Variants in PDE1A observed in about 807,000 individuals in gnomAD.
PDE1A encodes phosphodiesterase 1A, also known as dual specificity calcium/calmodulin-dependent 3',5'-cyclic nucleotide phosphodiesterase 1A.
Under a neutral mutation model 61.7 loss-of-function variants are expected in PDE1A, and 35 were observed. The ratio of observed to expected loss-of-function variants is 0.57; its 90% CI spans 0.43 to 0.75. The LOEUF (loss-of-function observed/expected upper bound fraction) is 0.75, where lower values mean the gene tolerates loss of function less well. Ranked by LOEUF, PDE1A falls within the 30% of genes least tolerant of loss-of-function variation. The pLI, the probability that PDE1A is intolerant of heterozygous loss-of-function variation, is 0.00. For synonymous variants in PDE1A, 232 were observed against 213.2 expected, an observed-to-expected ratio of 1.09 and a Z score of -0.77; for missense variants, 597 against 630.6, an observed-to-expected ratio of 0.95 and a Z score of 0.57.
At chr2:182,197,322 T>G (rs1227397946) in intron 10 of PDE1A, among the ~76,000 whole-genome samples, 2 of 151,828 alleles carry the variant, frequency 1.3e-5, no homozygotes, top group African/African-American at 4.8e-5. Context: ...GACAGATATT[T>G]GTAGTACAAA....
intron 2 of PDE1A, among the ~76,000 whole-genome samples, chr2:182,490,448 T>C (rs1158862157): frequency 6.6e-6 from 1 of 152,222 alleles, no homozygotes; most frequent in Non-Finnish European, 1.5e-5. Flanking sequence ...CTCGGCTCAC[T>C]GCAAACTGCC....
the PDE1A span, among the ~76,000 whole-genome samples, chr2:182,700,873 C>T: frequency 6.6e-6 from 1 of 151,656 alleles, no homozygotes; most frequent in Admixed American, 6.6e-5. Flanking sequence ...GCTGAGACCA[C>T]ACCACTGCAC....
At chr2:182,422,995 T>C (rs1178285231) in intron 1 of PDE1A, among the ~76,000 whole-genome samples, 2 of 152,200 alleles carry the variant, frequency 1.3e-5, no homozygotes, top group Non-Finnish European at 2.9e-5. Context: ...TCGTGTTTTC[T>C]CAACACCAGT....
intron 2 of PDE1A, among the ~76,000 whole-genome samples, chr2:182,262,298 C>T (rs1692283626): frequency 6.6e-6 from 1 of 151,068 alleles, no homozygotes; most frequent in Admixed American, 6.6e-5. Context: ...CATGATCTCA[C>T]TCTGTCACCC....
Position 182,457,066 on chromosome 2 carries a change from G to T in PDE1A, c.101+65210C>A, listed in dbSNP as rs192955026. ...GAGAACACTGAAAACCAGACAGTCT[G>T]GACTGATTAAGTTGGTACACGTTCC... On this transcript the variant is annotated intron_variant, in intron 2 of 14. Coordinates refer to the PDE1A transcript ENST00000410103. Among the ~76,000 whole-genome samples, 6 of 152,122 alleles carry T rather than the reference G, an allele frequency of 3.9e-5. No homozygotes were observed. In the South Asian group the frequency reaches 1.2e-3, roughly 32 times the overall value.
intron 1 of PDE1A, among the ~76,000 whole-genome samples, chr2:182,419,331 C>CTTTTTTTT (rs1172193658): frequency 7.0e-6 from 1 of 143,562 alleles, no homozygotes; most frequent in Admixed American, 7.0e-5. Context: ...TTCTTTTTTT[C>CTTTTTTTT]TTTTCTTTTT....
rs1691082389 is a variant in PDE1A at position 182,156,384 on chromosome 2, C to T, written c.1517-9232G>A. ...TTTTTTACCCAAGGTCATACACCATCTAAGTGACAGAGCTGGGCTTTCAAC... is the reference window on the plus strand; with the variant it reads ...TTTTTTACCCAAGGTCATACACCATTTAAGTGACAGAGCTGGGCTTTCAAC... On this transcript the variant is annotated intron_variant, in intron 13 of 13. Transcript: ENST00000409365. Among the ~76,000 whole-genome samples, 3 of 151,722 alleles carry T rather than the reference C, an allele frequency of 2.0e-5. No individual in the cohort carries two copies. In the South Asian group the frequency reaches 6.3e-4, roughly 32 times the overall value.
intron 1 of PDE1A, among the ~76,000 whole-genome samples, chr2:182,383,045 T>A (rs1403849668): frequency 6.6e-6 from 1 of 152,114 alleles, no homozygotes; most frequent in Non-Finnish European, 1.5e-5. Flanking sequence ...TCTCCCTCAT[T>A]CTGGTCCCAA....
chr2:182,251,927 G>C lies in PDE1A; in HGVS notation c.168-11635C>G, dbSNP rs535948257. ...ACCATGGGTGGAGAATGTGTCCTTA[G>C]TAGAGCAGGGGTATATTTGGAAGAC... On this transcript the variant is annotated intron_variant, in intron 2 of 13. Transcript: ENST00000351439. Among the ~76,000 whole-genome samples, 3 of 152,176 alleles carry C rather than the reference G, an allele frequency of 2.0e-5. No individual in the cohort carries two copies. The East Asian group carries it at 5.8e-4, about 29-fold the overall frequency.
At chr2:182,455,692 G>A (rs1685866237) in intron 2 of PDE1A, among the ~76,000 whole-genome samples, 1 of 152,032 alleles carries the variant, frequency 6.6e-6, no homozygotes, top group Admixed American at 6.6e-5. Context: ...TCACTCATAG[G>A]TGGGAATTGA....
chr2:182,440,840 A>G (rs1040641981), intron 2 of PDE1A, among the ~76,000 whole-genome samples: 4 of 151,624 alleles, frequency 2.6e-5, no homozygotes, highest in African/African-American at 9.7e-5. Flanking sequence ...CTGCTCAAGC[A>G]CCAAACTGGT....
At chr2:182,565,521 G>A in the PDE1A span, among the ~76,000 whole-genome samples, 1 of 152,122 alleles carries the variant, frequency 6.6e-6, no homozygotes, top group Non-Finnish European at 1.5e-5. Flanking sequence ...ACCCACTTGA[G>A]GAGGCAGTCT....
chr2:182,532,353 A>G, the PDE1A span, among the ~76,000 whole-genome samples: 3 of 152,180 alleles, frequency 2.0e-5, no homozygotes, highest in Non-Finnish European at 4.4e-5. Context: ...TATCCAATAA[A>G]TATGTACATT....
At chr2:182,188,258 G>T (rs956754134) in intron 11 of PDE1A, among the ~76,000 whole-genome samples, 4 of 152,184 alleles carry the variant, frequency 2.6e-5, no homozygotes, top group Admixed American at 6.5e-5. Context: ...AACTTGGATG[G>T]GAAGGGGAAA....
At chr2:182,204,664 C>G (rs1260466599) in intron 8 of PDE1A, among the ~76,000 whole-genome samples, 1 of 152,134 alleles carries the variant, frequency 6.6e-6, no homozygotes, top group African/African-American at 2.4e-5. Flanking sequence ...AAATAACATA[C>G]AAATTATGTA....
At chr2:182,547,097 T>C in the PDE1A span, among the ~76,000 whole-genome samples, 1 of 152,204 alleles carries the variant, frequency 6.6e-6, no homozygotes, top group Non-Finnish European at 1.5e-5. Context: ...AGTATATTAG[T>C]GATTATTAGG....
chr2:182,622,428 T>A, the PDE1A span, among the ~76,000 whole-genome samples: 1 of 152,314 alleles, frequency 6.6e-6, no homozygotes, highest in Middle Eastern at 3.4e-3. Flanking sequence ...GAAGGAAAAC[T>A]GTGCAGTGAT....
chr2:182,372,883 G>T (rs1255540056), intron 1 of PDE1A, among the ~76,000 whole-genome samples: 1 of 152,182 alleles, frequency 6.6e-6, no homozygotes, highest in African/African-American at 2.4e-5. Flanking sequence ...CAGAGGGACA[G>T]GCTGGAACAA....
intron 1 of PDE1A, among the ~76,000 whole-genome samples, chr2:182,387,508 A>G (rs981246925): frequency 6.6e-6 from 1 of 152,226 alleles, no homozygotes; most frequent in Non-Finnish European, 1.5e-5. Flanking sequence ...CTGTAATCCC[A>G]GCACTTTTGA....
Sources: allele counts gnomAD v4.1 joint callset (sites outside exome capture counted in the v4.1 genomes callset), GRCh38; gene constraint gnomAD v4.1.1; transcripts MANE v1.5; gene names NCBI Gene and HGNC (gene_info 2026-07-23, HGNC 2026-07-21).